CRADD: variants seen among roughly 807,000 people sequenced by gnomAD.
CRADD encodes the protein CARD and death domain containing adaptor protein.
CRADD carries 9 observed loss-of-function variants against 15.5 expected under a neutral mutation model. The ratio of observed to expected loss-of-function variants is 0.58; its 90% CI spans 0.35 to 1.01. The LOEUF (loss-of-function observed/expected upper bound fraction) is 1.01, where lower values mean the gene tolerates loss of function less well. Among genes scored for constraint, CRADD ranks in the 50% least tolerant of loss-of-function variants. The pLI, the probability that CRADD is intolerant of heterozygous loss-of-function variation, is 0.02. For synonymous variants in CRADD, 118 were observed against 107.6 expected (o/e 1.10, Z -0.60); for missense variants, 227 against 250.3 (o/e 0.91, Z 0.63).
intron 2 of CRADD, among the ~76,000 whole-genome samples, chr12:93,831,578 T>C (rs1243586671): frequency 6.6e-6 from 1 of 152,268 alleles, no homozygotes; most frequent in Non-Finnish European, 1.5e-5. Flanking sequence ...AAAATGCAAC[T>C]GCTCCACAAG....
intron 2 of CRADD, among the ~76,000 whole-genome samples, chr12:93,858,333 T>C (rs1337057904): frequency 6.6e-6 from 1 of 152,222 alleles, no homozygotes; most frequent in Non-Finnish European, 1.5e-5. Context: ...GAGAGTCTTA[T>C]GGGAGCATGA....
At chr12:93,829,104 C>T (rs1204299010) in intron 2 of CRADD, among the ~76,000 whole-genome samples, 7 of 150,522 alleles carry the variant, frequency 4.7e-5, no homozygotes, top group African/African-American at 1.5e-4. Context: ...TAATTCTGGT[C>T]CTTATTTCCT....
chr12:93,774,139 A>G (rs757526885), intron 2 of CRADD, among the ~76,000 whole-genome samples: 3 of 152,030 alleles, frequency 2.0e-5, no homozygotes, highest in East Asian at 3.9e-4. Context: ...TCTGGCCACC[A>G]TAGCTACTTT....
chr12:93,751,301 C>T (rs1168737823), intron 2 of CRADD, among the ~76,000 whole-genome samples: 2 of 152,184 alleles, frequency 1.3e-5, no homozygotes, highest in African/African-American at 2.4e-5. Flanking sequence ...GGCAGTCTGT[C>T]ACCAGCTGAT....
At chr12:93,697,257 C>G (rs1268478452) in intron 2 of CRADD, among the ~76,000 whole-genome samples, 1 of 152,166 alleles carries the variant, frequency 6.6e-6, no homozygotes, top group East Asian at 1.9e-4. Context: ...GGGCTTTACC[C>G]TCATGAATAG....
rs1030782987 is a variant in CRADD at position 93,824,648 on chromosome 12, C to T, written c.299-25322C>T. Among the ~76,000 whole-genome samples the T allele has an allele frequency of 5.3e-5, 8 of 152,184 alleles. No homozygotes were observed. Among genetic ancestry groups the T allele is most frequent in the African/African-American group, 1.9e-4 (8 of 41,430 alleles). ...AATGCATCATTCTATGATACATTAT[C>T]CGAGCTGAAGCTGAAACCTAGCCTT... On this transcript the variant is annotated intron_variant, in intron 2 of 2. Transcript: ENST00000332896. The surrounding 1 kb of genome is among the most constrained non-coding windows in gnomAD (Gnocchi z 4.3).
intron 2 of CRADD, among the ~76,000 whole-genome samples, chr12:93,822,852 C>G (rs1317516840): frequency 1.3e-5 from 2 of 152,142 alleles, no homozygotes. Flanking sequence ...TTTCTCTAGA[C>G]ATAGATAAAT....
downstream of CRADD, among the ~76,000 whole-genome samples, chr12:93,851,255 C>T (rs1958218266): frequency 6.6e-6 from 1 of 152,206 alleles, no homozygotes; most frequent in Non-Finnish European, 1.5e-5. Context: ...GGTTCACCTC[C>T]TTCTGTACAG....
intron 2 of CRADD, among the ~76,000 whole-genome samples, chr12:93,763,931 GAAAT>G (rs1956997947): frequency 6.6e-6 from 1 of 152,166 alleles, no homozygotes; most frequent in South Asian, 2.1e-4. Context: ...TTAAATGAGA[GAAAT>G]AAACCCGATT....
intron 2 of CRADD, among the ~76,000 whole-genome samples, chr12:93,893,303 G>A (rs1200956697): frequency 6.6e-6 from 1 of 152,044 alleles, no homozygotes; most frequent in Non-Finnish European, 1.5e-5. Context: ...ATAAAGAAAA[G>A]GATGCTAATT....
intron 2 of CRADD, among the ~76,000 whole-genome samples, chr12:93,799,029 A>G (rs1025950506): frequency 3.3e-5 from 5 of 151,696 alleles, no homozygotes; most frequent in Non-Finnish European, 7.4e-5. Context: ...AGGGAGGAGA[A>G]GAAGGGAGGG....
At chr12:93,733,963 C>G (rs138816010) in intron 2 of CRADD, among the ~76,000 whole-genome samples, 158 of 152,264 alleles carry the variant, frequency 1.0e-3, no homozygotes, top group African/African-American at 3.7e-3. Flanking sequence ...TCTCAAACTC[C>G]TGGGCTCAGG....
chr12:93,803,531 A>G (rs1172457710), intron 2 of CRADD, among the ~76,000 whole-genome samples: 2 of 152,180 alleles, frequency 1.3e-5, no homozygotes, highest in African/African-American at 2.4e-5. Context: ...ACCATTTGGC[A>G]TTAAGCGTCT....
chr12:93,855,635 G>A (rs566112643), downstream of CRADD, among the ~76,000 whole-genome samples: 2 of 152,224 alleles, frequency 1.3e-5, no homozygotes, highest in African/African-American at 4.8e-5. Context: ...CTGTCACTTG[G>A]GCAAGTTACT....
intron 2 of CRADD, among the ~76,000 whole-genome samples, chr12:93,777,169 A>G (rs1435373149): frequency 6.6e-6 from 1 of 152,326 alleles, no homozygotes; most frequent in African/African-American, 2.4e-5. Context: ...CCAGCGAGCC[A>G]GGCAAGGTGG....
At chr12:93,886,123 A>G (rs1210640360) in intron 2 of CRADD, among the ~76,000 whole-genome samples, 1 of 150,180 alleles carries the variant, frequency 6.7e-6, no homozygotes, top group East Asian at 2.0e-4. Context: ...AAGATATACA[A>G]CTGCCAAGCT....
chr12:93,758,525 CTT>C lies in CRADD; in HGVS notation c.298+79454_298+79455del, dbSNP rs1480149744. On this transcript the variant is annotated intron_variant, in intron 2 of 2. Transcript: ENST00000332896. ...GATATTAATATTAATGTAACCATGACTTATATTAATGGTTATTAATATAATTA... is the reference window on the plus strand; with the variant it reads ...GATATTAATATTAATGTAACCATGACATATTAATGGTTATTAATATAATTA... Among the ~76,000 whole-genome samples, 7 of 151,588 alleles carry C rather than the reference CTT, an allele frequency of 4.6e-5. No homozygotes were observed. In the East Asian group the frequency reaches 7.7e-4, roughly 17 times the overall value.
intron 2 of CRADD, among the ~76,000 whole-genome samples, chr12:93,701,958 A>AT (rs879768398): frequency 8.1e-4 from 116 of 143,864 alleles, no homozygotes; most frequent in African/African-American, 1.4e-3. Context: ...CTCATCTGGG[A>AT]TTTTTTTTTT....
intron 2 of CRADD, among the ~76,000 whole-genome samples, chr12:93,798,547 G>A (rs545708084): frequency 6.6e-6 from 1 of 152,242 alleles, no homozygotes; most frequent in South Asian, 2.1e-4. Context: ...GAGAGGTCAA[G>A]TGACTTACTC....
Sources: gnomAD v4.1 joint callset for allele counts (sites outside exome capture counted in the v4.1 genomes callset) on GRCh38, gnomAD v4.1.1 for gene constraint, Gnocchi (gnomAD v3.1) non-coding constraint, MANE v1.5 for transcripts, NCBI Gene and HGNC (gene_info 2026-07-23, HGNC 2026-07-21) for gene names.